The following GPBP1 variants were observed in gnomAD, a reference collection of about 807,000 sequenced individuals.
GPBP1 encodes GC-rich promoter binding protein 1, also known as vasculin.
In GPBP1, 13 loss-of-function variants were observed where a neutral mutation model predicts 56.5. That is an observed-to-expected ratio of 0.23 (90% CI 0.15 to 0.37). The LOEUF (loss-of-function observed/expected upper bound fraction) is 0.37. Ranked by LOEUF, GPBP1 falls within the 10% of genes least tolerant of loss-of-function variation. The probability of loss-of-function intolerance (pLI) is 1.00; values close to 1 mark genes in which losing one functional copy is unlikely to be tolerated. For synonymous variants in GPBP1, 204 were observed against 188.9 expected (o/e 1.08, Z -0.66); for missense variants, 477 against 572.3 (o/e 0.83, Z 1.70).
At chr5:57,244,524 G>A (rs1225516444) in intron 6 of GPBP1, among the ~76,000 whole-genome samples, 1 of 152,098 alleles carries the variant, frequency 6.6e-6, no homozygotes, top group African/African-American at 2.4e-5. Context: ...TTCACATTTT[G>A]TAGCACTGAT....
chr5:57,235,978 C>A lies in GPBP1; in HGVS notation c.424C>A (p.Pro142Thr). Residue 142 changes from proline (P) to threonine (T), a missense_variant, in exon 6 of 12, where the codon CCT (proline) becomes ACT (threonine). Physicochemically the swap from Pro to Thr is conservative, Grantham distance 38. This residue lies in a region of GPBP1 where 414 missense variants were observed against 458.2 expected (regional missense o/e 0.90). Transcript: ENST00000506184. Reference protein sequence around the residue: ...FEAEDFPSLNPEYEREPNHNK... With the variant: ...FEAEDFPSLNTEYEREPNHNK... ...AACTTTCTTCCAGCCGTCTTTAAAT[C>A]CTGAGTATGAGAGAGAACCAAATCA... 6.2e-7 allele frequency: 1 copy of A among 1,609,878 alleles called. No individual in the cohort carries two copies. The highest frequency in any genetic ancestry group is 1.1e-5 in the South Asian group (1 of 90,784).
At chr5:57,210,674 A>G (rs952554308) in intron 2 of GPBP1, among the ~76,000 whole-genome samples, 1 of 152,208 alleles carries the variant, frequency 6.6e-6, no homozygotes, top group African/African-American at 2.4e-5. Context: ...GCCATAACCA[A>G]ATACCACAGA....
chr5:57,176,729 A>G (rs1283985164), intron 2 of GPBP1, among the ~76,000 whole-genome samples: 1 of 152,212 alleles, frequency 6.6e-6, no homozygotes, highest in Non-Finnish European at 1.5e-5. Flanking sequence ...AAGGTAGGAA[A>G]AAATGCAACA....
At position 57,249,462 on chromosome 5, in the gene GPBP1, T is replaced by C; in HGVS notation, c.858T>C (p.Arg286=). ...TTGACAAACTTAATCAGCAGCCTCG[T>C]CTAACCAAACTGACACGAATGCGCA... is the stretch of plus-strand genomic sequence containing the variant. ...SPVDKLNQQP[R]LTKLTRMRTD... is the part of the protein sequence containing the mutation. Residue 286 remains arginine, a synonymous_variant, in exon 9 of 12, where the codon CGT becomes CGC. Transcript: ENST00000506184. 2 of 1,611,520 alleles carry C rather than the reference T, an allele frequency of 1.2e-6. No homozygotes were observed. The highest frequency in any genetic ancestry group is 1.1e-5 in the South Asian group (1 of 90,624).
At chr5:57,209,646 A>T (rs1420298110) in intron 2 of GPBP1, among the ~76,000 whole-genome samples, 1 of 152,098 alleles carries the variant, frequency 6.6e-6, no homozygotes, top group Non-Finnish European at 1.5e-5. Flanking sequence ...GCTGTTTATC[A>T]GGTTGAGCAA....
intron 2 of GPBP1, among the ~76,000 whole-genome samples, chr5:57,208,749 T>C (rs973376129): frequency 9.3e-5 from 14 of 149,828 alleles, no homozygotes; most frequent in Non-Finnish European, 7.4e-5. Context: ...CTCTGCCTCC[T>C]GGGTTCAAGC....
At chr5:57,218,803 A>G (rs1411139132) in intron 3 of GPBP1, among the ~76,000 whole-genome samples, 3 of 152,198 alleles carry the variant, frequency 2.0e-5, no homozygotes, top group Non-Finnish European at 4.4e-5. Context: ...GTTCTCCCAT[A>G]AGGACTTACC....
At chr5:57,185,560 C>T (rs1328706193) in intron 2 of GPBP1, among the ~76,000 whole-genome samples, 5 of 152,126 alleles carry the variant, frequency 3.3e-5, no homozygotes, top group Admixed American at 6.6e-5. Flanking sequence ...TGAGCCACTA[C>T]GCCTGGCTAG....
In GPBP1 at chr5:57,246,457, C is replaced by T. The variant is rs777677544; in HGVS notation, c.636C>T (p.Val212=). ...GTCCAAGTGTTTATAAAGGTTTAGTCCCTAAACCTGCTGCTCCACCTACAA... is the reference window on the plus strand; with the variant it reads ...GTCCAAGTGTTTATAAAGGTTTAGTTCCTAAACCTGCTGCTCCACCTACAA... ...GTGPSVYKGL[V]PKPAAPPTKP... is the part of the protein sequence containing the mutation. The change falls in exon 7 of 12, where the codon GTC becomes GTT. Residue 212 remains valine, a synonymous_variant. Transcript: ENST00000506184. 58 of 1,601,746 alleles carry T rather than the reference C, an allele frequency of 3.6e-5. No homozygotes were observed. The East Asian group carries it at 1.2e-3, about 34-fold the overall frequency.
intron 11 of GPBP1, 100 bp from the exon 12 acceptor site, chr5:57,262,494 T>C (rs1236242706): frequency 4.6e-6 from 4 of 863,236 alleles, no homozygotes; most frequent in Non-Finnish European, 7.2e-6. Flanking sequence ...TGTGTAGTTT[T>C]TGGGTTAGGA....
intron 10 of GPBP1, among the ~76,000 whole-genome samples, chr5:57,255,346 G>A (rs1161713574): frequency 6.6e-6 from 1 of 152,130 alleles, no homozygotes; most frequent in Non-Finnish European, 1.5e-5. Flanking sequence ...GTAGGTAACA[G>A]ATTACTAGGA....
intron 10 of GPBP1, among the ~76,000 whole-genome samples, chr5:57,256,999 G>A (rs549243537): frequency 2.0e-5 from 3 of 151,100 alleles, no homozygotes; most frequent in African/African-American, 7.3e-5. Flanking sequence ...ACTCATATTA[G>A]TTGAATTCAA....
At chr5:57,200,795 C>T (rs2111693737) in intron 2 of GPBP1, among the ~76,000 whole-genome samples, 1 of 152,310 alleles carries the variant, frequency 6.6e-6, no homozygotes, top group South Asian at 2.1e-4. Flanking sequence ...CATTCTCCTG[C>T]CTCAGGCTAA....
chr5:57,181,594 A>T (rs1754051736), intron 2 of GPBP1, among the ~76,000 whole-genome samples: 2 of 150,876 alleles, frequency 1.3e-5, no homozygotes, highest in Non-Finnish European at 3.0e-5. Context: ...GGGAACATTT[A>T]AAAAAAAGGT....
intron 8 of GPBP1, among the ~76,000 whole-genome samples, chr5:57,248,700 C>T (rs1741219762): frequency 6.6e-6 from 1 of 152,198 alleles, no homozygotes; most frequent in African/African-American, 2.4e-5. Context: ...TCCCAAAGTG[C>T]TGGGATTACA....
chr5:57,188,000 T>C lies in GPBP1; in HGVS notation c.-58+11600T>C, dbSNP rs553633458. ...GCTCATGCCTGTAATCTCAGCACTT[T>C]GGGAGGCTGAGGTGGGTGGATCACT... On this transcript the variant is annotated intron_variant, in intron 2 of 11. Coordinates refer to ENST00000506184, the MANE Select transcript of GPBP1 (RefSeq NM_022913.4). 7.2e-5 allele frequency among the ~76,000 whole-genome samples: 11 copies of C among 152,150 alleles called. No homozygotes were observed. In the South Asian group the frequency reaches 1.0e-3, roughly 14 times the overall value.
At chr5:57,206,194 TATAG>T (rs1431128982) in intron 2 of GPBP1, among the ~76,000 whole-genome samples, 1 of 152,182 alleles carries the variant, frequency 6.6e-6, no homozygotes, top group Non-Finnish European at 1.5e-5. Context: ...CTTTTTACTT[TATAG>T]ATAATATTTT....
intron 2 of GPBP1, among the ~76,000 whole-genome samples, chr5:57,198,078 T>C (rs184481978): frequency 6.6e-6 from 1 of 152,298 alleles, no homozygotes; most frequent in East Asian, 1.9e-4. Flanking sequence ...TGTTTGCTTA[T>C]ATTCATGTAG....
chr5:57,229,287 A>G (rs189756819), intron 3 of GPBP1, among the ~76,000 whole-genome samples: 1 of 143,228 alleles, frequency 7.0e-6, no homozygotes, highest in Non-Finnish European at 1.5e-5. Flanking sequence ...TGTCTTCTCA[A>G]CCCTTACTGT....
Sources: gnomAD v4.1 joint callset for allele counts (sites outside exome capture counted in the v4.1 genomes callset) on GRCh38, gnomAD v4.1.1 for gene constraint, gnomAD v4.1.1 regional missense constraint, MANE v1.5 for transcripts, NCBI Gene and HGNC (gene_info 2026-07-23, HGNC 2026-07-21) for gene names.